The following CLPX variants were observed in gnomAD, a reference collection of about 807,000 sequenced individuals.
CLPX encodes ATP-dependent clpX-like chaperone, mitochondrial.
A neutral mutation model predicts 76.4 loss-of-function variants in CLPX; 34 were observed. The observed-to-expected ratio is 0.45, with a 90% confidence interval of 0.34 to 0.59. CLPX has a LOEUF of 0.59. Ranked by LOEUF, CLPX falls within the 20% of genes least tolerant of loss-of-function variation. The pLI is 0.01. For synonymous variants in CLPX, 248 were observed against 270.9 expected, an observed-to-expected ratio of 0.92 and a Z score of 0.83; for missense variants, 613 against 757.0, an observed-to-expected ratio of 0.81 and a Z score of 2.23.
At chr15:65,166,848 T>TAAA in intron 3 of CLPX, 63 bp from the exon 4 acceptor site, 3 of 1,492,336 alleles carry the variant, frequency 2.0e-6, no homozygotes, top group Non-Finnish European at 2.7e-6. Flanking sequence ...TGTTTAACCT[T>TAAA]AAAGACTCCA....
At chr15:65,158,293 A>G in intron 7 of CLPX, 1 of 339,694 alleles carries the variant, frequency 2.9e-6, no homozygotes, top group Non-Finnish European at 5.3e-6. Flanking sequence ...AAATGCTGGG[A>G]TTACAGGTGT....
At position 65,149,141 on chromosome 15, in the gene CLPX, G is replaced by A. The variant is rs1255694959; in HGVS notation, c.*1682C>T. Reference sequence around the variant, plus strand: ...GAAATTTTATTTAGGTCAGCACATGGCTGTTACTATGACTGATACTGCATG... The same window carrying A: ...GAAATTTTATTTAGGTCAGCACATGACTGTTACTATGACTGATACTGCATG... On this transcript the variant is annotated 3_prime_UTR_variant, in exon 14 of 14. Coordinates refer to ENST00000300107, the MANE Select transcript of CLPX (RefSeq NM_006660.5). The A allele has an allele frequency of 1.3e-5, 2 of 152,256 alleles. No homozygotes were observed. Among genetic ancestry groups the A allele is most frequent in the Admixed American group, 1.3e-4 (2 of 15,272 alleles). The allele number at this position is 152,256 out of a possible 1,614,324, so 9.4% of individuals were successfully genotyped here.
intron 3 of CLPX, among the ~76,000 whole-genome samples, chr15:65,177,426 A>T (rs1388985847): frequency 6.6e-6 from 1 of 152,270 alleles, no homozygotes; most frequent in African/African-American, 2.4e-5. Flanking sequence ...CTAATATTCC[A>T]GCTATGGGAT....
intron 3 of CLPX, among the ~76,000 whole-genome samples, chr15:65,170,316 C>A (rs1555413470): frequency 6.7e-6 from 1 of 149,860 alleles, no homozygotes; most frequent in East Asian, 2.0e-4. Flanking sequence ...GAGAGAACTG[C>A]AGAGAAAAAA....
In CLPX at chr15:65,158,822, T is replaced by G; in HGVS notation, c.716-71A>C. 3 of 1,303,090 alleles carry G rather than the reference T, an allele frequency of 2.3e-6. No homozygotes were observed. In the South Asian group the frequency reaches 4.7e-5, roughly 20 times the overall value. 80.7% of individuals were successfully genotyped at this position (1,303,090 alleles called of 1,614,324 possible). ...CTTGAAGAAAATGTCCCATAAAAAC[T>G]TTTATCTAAAACTAAATATCGACAT... On this transcript the variant is annotated intron_variant, in intron 6 of 13. Transcript: ENST00000300107.
chr15:65,160,116 A>C (rs995959134), intron 6 of CLPX, among the ~76,000 whole-genome samples: 1 of 152,166 alleles, frequency 6.6e-6, no homozygotes, highest in Admixed American at 6.6e-5. Flanking sequence ...CCTGGCCTAA[A>C]TTTTATTTTC....
intron 1 of CLPX, 69 bp from the exon 2 acceptor site, chr15:65,180,273 C>T (rs890634685): frequency 2.4e-6 from 3 of 1,264,612 alleles, no homozygotes; most frequent in Non-Finnish European, 3.3e-6. Context: ...ACAAAAATTC[C>T]TTGAGCATAA....
intron 2 of CLPX, among the ~76,000 whole-genome samples, chr15:65,179,717 G>A (rs2088138439): frequency 1.3e-5 from 2 of 152,130 alleles, no homozygotes; most frequent in Admixed American, 6.6e-5. Context: ...ATAAAGTGAG[G>A]TTTATACTGC....
chr15:65,167,078 T>C (rs988165709), intron 3 of CLPX, among the ~76,000 whole-genome samples: 15 of 152,226 alleles, frequency 9.9e-5, no homozygotes, highest in Non-Finnish European at 1.9e-4. Context: ...AAAGATTTTT[T>C]TTTTTCTTTG....
intron 3 of CLPX, among the ~76,000 whole-genome samples, chr15:65,174,342 G>A (rs1254437611): frequency 6.6e-6 from 1 of 151,430 alleles, no homozygotes; most frequent in African/African-American, 2.4e-5. Context: ...TCGGCTCACT[G>A]CAACCTCCGC....
intron 5 of CLPX, among the ~76,000 whole-genome samples, chr15:65,163,824 TTC>T (rs1386447032): frequency 3.9e-5 from 6 of 152,190 alleles, no homozygotes; most frequent in Non-Finnish European, 7.3e-5. Context: ...AGTTAATGTA[TTC>T]TGTTATTTTC....
intron 4 of CLPX, 31 bp from the exon 5 acceptor site, chr15:65,164,219 T>C (rs1156348277): frequency 1.3e-6 from 2 of 1,541,864 alleles, no homozygotes; most frequent in Non-Finnish European, 1.8e-6. Context: ...AATAATTTAA[T>C]ATGAGCTATT....
At chr15:65,181,286 T>C (rs1374656277) in intron 1 of CLPX, among the ~76,000 whole-genome samples, 7 of 152,046 alleles carry the variant, frequency 4.6e-5, no homozygotes, top group Admixed American at 1.3e-4. Flanking sequence ...GTGAGTAGAA[T>C]GGCGGTTCCT....
At chr15:65,164,323 T>A in intron 4 of CLPX, 135 bp from the exon 5 acceptor site, 1 of 615,390 alleles carries the variant, frequency 1.6e-6, no homozygotes, top group Non-Finnish European at 2.8e-6. Context: ...AAAATGACAA[T>A]ACATTATATA....
At chr15:65,173,689 T>C (rs545066379) in intron 3 of CLPX, among the ~76,000 whole-genome samples, 1 of 152,266 alleles carries the variant, frequency 6.6e-6, no homozygotes, top group East Asian at 1.9e-4. Flanking sequence ...GAAATATTAT[T>C]CAGCCATAAA....
At position 65,148,484 on chromosome 15, in the gene CLPX, G is replaced by A. The variant is rs2087680478; in HGVS notation, c.*2339C>T. On this transcript the variant is annotated 3_prime_UTR_variant, in exon 14 of 14. Transcript: ENST00000300107. ...AAAGTTATAATATGTAAGACTTCCTGGGAAGAACTTGAACCATTACTAGGG... is the reference window on the plus strand; with the variant it reads ...AAAGTTATAATATGTAAGACTTCCTAGGAAGAACTTGAACCATTACTAGGG... 6.6e-6 allele frequency: 1 copy of A among 152,088 alleles called. No homozygotes were observed. Among genetic ancestry groups the A allele is most frequent in the Non-Finnish European group, 1.5e-5 (1 of 68,030 alleles). 9.4% of individuals were successfully genotyped at this position (152,088 alleles called of 1,614,324 possible).
intron 9 of CLPX, 38 bp downstream of exon 9, chr15:65,156,806 C>T: frequency 7.5e-7 from 1 of 1,334,938 alleles, no homozygotes; most frequent in Non-Finnish European, 1.1e-6. Context: ...GTATTCCCTT[C>T]CTTTTAGTGG....
In CLPX at chr15:65,154,870, C is replaced by T; in HGVS notation, c.1523G>A (p.Ser508Asn). Residue 508 changes from serine to asparagine, a missense_variant, in exon 11 of 14, where the codon AGC becomes AAC. By Grantham distance (46) the Ser-to-Asn change is conservative (BLOSUM62 1). This residue lies in a region of CLPX where 450 missense variants were observed against 638.6 expected (regional missense o/e 0.70). Transcript: ENST00000300107. The part of the protein sequence containing the change: ...GRLPVVVPLH[S>N]LDEKTLVQIL... ...TTGTACAAGTGTTTTCTCATCTAGG[C>T]TATGCAATGGAACCACCACAGGCAA... 1 of 1,614,110 alleles carries T rather than the reference C, an allele frequency of 6.2e-7. No individual in the cohort carries two copies. The highest frequency in any genetic ancestry group is 2.2e-5 in the East Asian group (1 of 44,888).
At position 65,158,661 on chromosome 15, in the gene CLPX, T is replaced by C; in HGVS notation, c.806A>G (p.Lys269Arg). ...QQVNQQIPQE[K>R]RGGEVLDSSH... ...AGAATCCAATACTTCACCTCCTCGT[T>C]TTTCCTGAGGTATTTGTTGATTTAC... The change falls in exon 7 of 14, where the codon AAA becomes AGA. Residue 269 changes from lysine to arginine, a missense_variant. Physicochemically the swap from Lys to Arg is conservative, Grantham distance 26. This residue lies in a region of CLPX where 450 missense variants were observed against 638.6 expected (regional missense o/e 0.70). Coordinates refer to ENST00000300107, the MANE Select transcript of CLPX (RefSeq NM_006660.5). 1 of 1,613,968 alleles carries C rather than the reference T, an allele frequency of 6.2e-7. No homozygotes were observed. Among genetic ancestry groups the C allele is most frequent in the South Asian group, 1.1e-5 (1 of 91,056 alleles).
Sources: gnomAD v4.1 joint callset for allele counts (sites outside exome capture counted in the v4.1 genomes callset) on GRCh38, gnomAD v4.1.1 for gene constraint, gnomAD v4.1.1 regional missense constraint, MANE v1.5 for transcripts, NCBI Gene and HGNC (gene_info 2026-07-23, HGNC 2026-07-21) for gene names.